The following TSPAN7 variants were observed in gnomAD, a reference collection of about 807,000 sequenced individuals.
TSPAN7 encodes tetraspanin 7, also known as tetraspanin-7.
In TSPAN7, 1 loss-of-function variant was observed where a neutral mutation model predicts 17.6. That is an observed-to-expected ratio of 0.06 (90% CI 0.02 to 0.27). The LOEUF is 0.27. Ranked by LOEUF, TSPAN7 falls within the 10% of genes least tolerant of loss-of-function variation. The pLI is 1.00. For synonymous variants in TSPAN7, 78 were observed against 79.0 expected, an observed-to-expected ratio of 0.99 and a Z score of 0.07; for missense variants, 112 against 201.7, an observed-to-expected ratio of 0.56 and a Z score of 2.69.
chrX:38,584,803 TCTC>T (rs1391270004), intron 1 of TSPAN7, among the ~76,000 whole-genome samples: 3 of 112,067 alleles, frequency 2.7e-5, no homozygotes, highest in African/African-American at 9.7e-5. Context: ...TCTATCATGT[TCTC>T]CTCATTCCCC....
chrX:38,561,671 G>T (rs1220070445), intron 1 of TSPAN7, 44 bp downstream of exon 1: 1 of 1,088,653 alleles, frequency 9.2e-7, no homozygotes, highest in East Asian at 3.1e-5. Context: ...CTGTCCATCG[G>T]TCCGTATGAT....
chrX:38,622,176 T>C (rs1396267767), intron 1 of TSPAN7, among the ~76,000 whole-genome samples: 1 of 112,358 alleles, frequency 8.9e-6, no homozygotes, highest in Non-Finnish European at 1.9e-5. Context: ...CTTGAAATGT[T>C]TCATGCTTAG....
chrX:38,575,885 G>A (rs928811115), intron 1 of TSPAN7, among the ~76,000 whole-genome samples: 1 of 111,932 alleles, frequency 8.9e-6, no homozygotes, highest in African/African-American at 3.2e-5. Context: ...TTTACTTTCT[G>A]GTACAAACTT....
At chrX:38,580,932 C>G (rs1279654943) in intron 1 of TSPAN7, among the ~76,000 whole-genome samples, 1 of 111,841 alleles carries the variant, frequency 8.9e-6, no homozygotes, top group Non-Finnish European at 1.9e-5. Context: ...GGGATAAATT[C>G]TCACTGACTC....
chrX:38,610,256 G>A (rs1047069117), intron 1 of TSPAN7, among the ~76,000 whole-genome samples: 5 of 111,821 alleles, frequency 4.5e-5, no homozygotes, highest in African/African-American at 1.3e-4. Context: ...GCACAGAGCA[G>A]TTATATAAGT....
At chrX:38,620,580 C>A (rs933579394) in intron 1 of TSPAN7, among the ~76,000 whole-genome samples, 1 of 111,443 alleles carries the variant, frequency 9.0e-6, no homozygotes, top group Admixed American at 9.5e-5. Flanking sequence ...GGATCAGAAT[C>A]TCCCCTCCTC....
chrX:38,599,369 C>A (rs1275580142), intron 1 of TSPAN7, among the ~76,000 whole-genome samples: 1 of 111,075 alleles, frequency 9.0e-6, no homozygotes, highest in African/African-American at 3.3e-5. Context: ...AAGTTCCACA[C>A]TTATTTAAAA....
rs764651784 is a variant in TSPAN7 at position 38,595,425 on chromosome X, G to A, written c.81+33798G>A. Among the ~76,000 whole-genome samples the A allele has an allele frequency of 1.1e-4, 12 of 111,634 alleles. No homozygotes were observed. The South Asian group carries it at 4.5e-3, about 42-fold the overall frequency. Reference sequence around the variant, plus strand: ...TCTTTTCATATAACTCATTACATATGTTCTGAAATGTTCTCAATTCATAGC... The same window carrying A: ...TCTTTTCATATAACTCATTACATATATTCTGAAATGTTCTCAATTCATAGC... On this transcript the variant is annotated intron_variant, in intron 1 of 7. Coordinates refer to ENST00000378482, the MANE Select transcript of TSPAN7 (RefSeq NM_004615.4).
intron 1 of TSPAN7, among the ~76,000 whole-genome samples, chrX:38,591,903 G>A (rs865838585): frequency 8.9e-6 from 1 of 111,961 alleles, no homozygotes; most frequent in Non-Finnish European, 1.9e-5. Flanking sequence ...AGAACTACCT[G>A]AGACTGAGTA....
At chrX:38,646,175 C>A in intron 1 of TSPAN7, 1 of 873,777 alleles carries the variant, frequency 1.1e-6, no homozygotes, top group Non-Finnish European at 1.5e-6. Flanking sequence ...TACATTAAAA[C>A]TCTGGAAAAA....
intron 2 of TSPAN7, among the ~76,000 whole-genome samples, chrX:38,669,153 G>C (rs1045509570): frequency 3.6e-5 from 4 of 111,750 alleles, no homozygotes; most frequent in Non-Finnish European, 7.5e-5. Flanking sequence ...TAACTACTCT[G>C]ATTTGATCAT....
intron 1 of TSPAN7, among the ~76,000 whole-genome samples, chrX:38,647,348 C>T (rs756236202): frequency 3.6e-5 from 4 of 111,989 alleles, no homozygotes; most frequent in African/African-American, 9.7e-5. Flanking sequence ...AACTCCTGAC[C>T]TCAGGTCATC....
At chrX:38,602,728 C>T (rs1055520839) in intron 1 of TSPAN7, among the ~76,000 whole-genome samples, 5 of 111,089 alleles carry the variant, frequency 4.5e-5, no homozygotes, top group Admixed American at 9.6e-5. Flanking sequence ...TTAGAGAAAA[C>T]GGGCAGGGAA....
chrX:38,573,560 T>C (rs2069180149), intron 1 of TSPAN7, among the ~76,000 whole-genome samples: 1 of 112,114 alleles, frequency 8.9e-6, no homozygotes, highest in African/African-American at 3.2e-5. Context: ...GATACATTTG[T>C]TATAGTTAAT....
At chrX:38,583,164 C>A (rs2069236760) in intron 1 of TSPAN7, among the ~76,000 whole-genome samples, 1 of 112,223 alleles carries the variant, frequency 8.9e-6, no homozygotes, top group African/African-American at 3.2e-5. Flanking sequence ...GATAAAAGAC[C>A]CATTATGGTC....
intron 1 of TSPAN7, among the ~76,000 whole-genome samples, chrX:38,660,965 C>G (rs1032103557): frequency 9.0e-6 from 1 of 111,580 alleles, no homozygotes; most frequent in Non-Finnish European, 1.9e-5. Flanking sequence ...AGGACTTTGC[C>G]CTCTCAGACC....
chrX:38,666,629 C>T (rs1361835790), intron 2 of TSPAN7, among the ~76,000 whole-genome samples: 1 of 106,970 alleles, frequency 9.3e-6, no homozygotes, highest in East Asian at 2.9e-4. Flanking sequence ...GATGGAGTCT[C>T]GCTCTGTTGC....
At chrX:38,653,890 T>G (rs972250734) in intron 1 of TSPAN7, among the ~76,000 whole-genome samples, 1 of 112,729 alleles carries the variant, frequency 8.9e-6, no homozygotes, top group African/African-American at 3.2e-5. Flanking sequence ...ACATTAGGTA[T>G]ATCTCCTAAT....
chrX:38,663,097 T>C, intron 1 of TSPAN7, among the ~76,000 whole-genome samples: 1 of 109,628 alleles, frequency 9.1e-6, no homozygotes. Flanking sequence ...TGCAAAAATA[T>C]AGAACCAGTC....
Sources: allele counts gnomAD v4.1 joint callset (sites outside exome capture counted in the v4.1 genomes callset), GRCh38; gene constraint gnomAD v4.1.1; transcripts MANE v1.5; gene names NCBI Gene and HGNC (gene_info 2026-07-23, HGNC 2026-07-21).